The following EEFSEC variants were observed in gnomAD, a reference collection of about 807,000 sequenced individuals.
EEFSEC encodes eukaryotic elongation factor, selenocysteine-tRNA specific.
In EEFSEC, 43 loss-of-function variants were observed where a neutral mutation model predicts 42.1. That is an observed-to-expected ratio of 1.02 (90% CI 0.80 to 1.32). The LOEUF (loss-of-function observed/expected upper bound fraction) is 1.32, where lower values mean the gene tolerates loss of function less well. EEFSEC is among the 40% of genes most tolerant of loss of function. The pLI is 0.00. For synonymous variants in EEFSEC, 354 were observed against 339.1 expected (o/e 1.04, Z -0.48); for missense variants, 745 against 803.6 (o/e 0.93, Z 0.88).
intron 6 of EEFSEC, among the ~76,000 whole-genome samples, chr3:128,371,523 G>A (rs905547123): frequency 1.3e-5 from 2 of 152,204 alleles, no homozygotes; most frequent in African/African-American, 4.8e-5. Flanking sequence ...ACTGGTCTAA[G>A]CAAGTGGCAG....
At chr3:128,367,865 G>A (rs531844336) in intron 6 of EEFSEC, 33 of 982,264 alleles carry the variant, frequency 3.4e-5, no homozygotes, top group African/African-American at 1.7e-4. Context: ...CACTGGTGAC[G>A]CGTGCTGACT....
At chr3:128,166,857 C>T (rs1365446717) in intron 1 of EEFSEC, among the ~76,000 whole-genome samples, 1 of 152,120 alleles carries the variant, frequency 6.6e-6, no homozygotes, top group Non-Finnish European at 1.5e-5. Context: ...TCTGCTAGTT[C>T]CTGGCCGGAT....
At chr3:128,251,283 C>G (rs552952641) in intron 2 of EEFSEC, among the ~76,000 whole-genome samples, 1 of 152,292 alleles carries the variant, frequency 6.6e-6, no homozygotes, top group South Asian at 2.1e-4. Flanking sequence ...AGGTGAACAT[C>G]TCTGTACATC....
At chr3:128,282,510 A>C (rs1272935545) in intron 4 of EEFSEC, among the ~76,000 whole-genome samples, 1 of 152,260 alleles carries the variant, frequency 6.6e-6, no homozygotes, top group Non-Finnish European at 1.5e-5. Flanking sequence ...GCAGACCCAC[A>C]TGTTGACACG....
chr3:128,227,081 G>T (rs1475085408), intron 1 of EEFSEC, among the ~76,000 whole-genome samples: 1 of 152,208 alleles, frequency 6.6e-6, no homozygotes, highest in Non-Finnish European at 1.5e-5. Context: ...GACTCTGCAG[G>T]CTGCTTCACA....
chr3:128,209,131 G>C (rs1470364119), intron 1 of EEFSEC, among the ~76,000 whole-genome samples: 1 of 152,226 alleles, frequency 6.6e-6, no homozygotes, highest in Non-Finnish European at 1.5e-5. Context: ...TGTGGGGAAA[G>C]AAGAGAACCC....
At chr3:128,218,030 A>C (rs1342919899) in intron 1 of EEFSEC, among the ~76,000 whole-genome samples, 1 of 152,202 alleles carries the variant, frequency 6.6e-6, no homozygotes, top group Non-Finnish European at 1.5e-5. Flanking sequence ...GTTGGAATCC[A>C]AGTAAATGGG....
chr3:128,239,335 A>G (rs2066046039), intron 1 of EEFSEC, among the ~76,000 whole-genome samples: 1 of 152,224 alleles, frequency 6.6e-6, no homozygotes, highest in Admixed American at 6.5e-5. Flanking sequence ...CTGTGCTGGC[A>G]TAGTGATACT....
chr3:128,218,561 A>G (rs187180128), intron 1 of EEFSEC, among the ~76,000 whole-genome samples: 1 of 152,288 alleles, frequency 6.6e-6, no homozygotes, highest in African/African-American at 2.4e-5. Flanking sequence ...GTCCATTCAG[A>G]CATTCCTTTG....
chr3:128,362,245 G>C (rs375639608), intron 6 of EEFSEC: 3 of 521,288 alleles, frequency 5.8e-6, no homozygotes. Context: ...GCTGGATGGC[G>C]GGTGGGACAA....
chr3:128,255,700 A>C (rs2066234841), intron 2 of EEFSEC, among the ~76,000 whole-genome samples: 1 of 152,228 alleles, frequency 6.6e-6, no homozygotes. Context: ...TTGTTTTGAA[A>C]TATGAGAAGA....
intron 5 of EEFSEC, among the ~76,000 whole-genome samples, chr3:128,357,004 G>A (rs1379956880): frequency 1.3e-5 from 2 of 152,254 alleles, no homozygotes; most frequent in Admixed American, 1.3e-4. Context: ...TCTCCAGCAA[G>A]CACATCAGCG....
intron 4 of EEFSEC, among the ~76,000 whole-genome samples, chr3:128,301,142 T>G (rs1174082141): frequency 6.6e-6 from 1 of 152,188 alleles, no homozygotes; most frequent in Non-Finnish European, 1.5e-5. Context: ...ATATGTGCAA[T>G]GTTCCGTCCT....
chr3:128,330,171 C>T (rs1485682861), intron 4 of EEFSEC, among the ~76,000 whole-genome samples: 3 of 152,212 alleles, frequency 2.0e-5, no homozygotes, highest in Admixed American at 6.5e-5. Context: ...GGAGGAGGAG[C>T]GTAAAGCTCC....
chr3:128,367,963 G>A (rs944702901), intron 6 of EEFSEC, among the ~76,000 whole-genome samples: 5 of 152,340 alleles, frequency 3.3e-5, no homozygotes, highest in South Asian at 2.1e-4. Context: ...TGGGAGAGCC[G>A]TGCCTCAGGA....
At chr3:128,409,125 T>C (rs998276462), downstream of EEFSEC, among the ~76,000 whole-genome samples, 1 of 152,170 alleles carries the variant, frequency 6.6e-6, no homozygotes, top group Admixed American at 6.5e-5. Flanking sequence ...GGCTGTGGGA[T>C]ACTCAGGAAG....
intron 1 of EEFSEC, among the ~76,000 whole-genome samples, chr3:128,228,487 G>A (rs556721501): frequency 6.6e-6 from 1 of 152,240 alleles, no homozygotes; most frequent in East Asian, 1.9e-4. Context: ...TGAGGAGATG[G>A]GGGTGGTGGG....
intron 4 of EEFSEC, among the ~76,000 whole-genome samples, chr3:128,328,690 G>C (rs552519538): frequency 5.1e-4 from 78 of 152,250 alleles, no homozygotes; most frequent in Non-Finnish European, 9.9e-4. Flanking sequence ...TGGCACATAG[G>C]GAACTGCCCC....
At chr3:128,171,674 C>T (rs1162791986) in intron 1 of EEFSEC, among the ~76,000 whole-genome samples, 1 of 152,130 alleles carries the variant, frequency 6.6e-6, no homozygotes, top group African/African-American at 2.4e-5. Context: ...CTTCCAGAGG[C>T]ACAATGTTCT....
Sources: gnomAD v4.1 joint callset for allele counts (sites outside exome capture counted in the v4.1 genomes callset) on GRCh38, gnomAD v4.1.1 for gene constraint, MANE v1.5 for transcripts, NCBI Gene and HGNC (gene_info 2026-07-23, HGNC 2026-07-21) for gene names.